Variants in NSMCE2 observed in about 807,000 individuals in gnomAD.
NSMCE2 encodes NSE2 SUMO ligase component of SMC5/6 complex.
In NSMCE2, 24 loss-of-function variants were observed where a neutral mutation model predicts 23.8. The ratio of observed to expected loss-of-function variants is 1.01; its 90% CI spans 0.73 to 1.42. The LOEUF (loss-of-function observed/expected upper bound fraction) is 1.42, where lower values mean the gene tolerates loss of function less well. NSMCE2 is among the 40% of genes most tolerant of loss of function. The pLI is 0.00. For missense variants in NSMCE2, 284 were observed against 296.5 expected, an observed-to-expected ratio of 0.96 and a Z score of 0.31; for synonymous variants, 92 against 94.1, an observed-to-expected ratio of 0.98 and a Z score of 0.13.
intron 5 of NSMCE2, among the ~76,000 whole-genome samples, chr8:125,277,761 G>T (rs1188550475): frequency 6.6e-6 from 1 of 152,248 alleles, no homozygotes; most frequent in African/African-American, 2.4e-5. Context: ...TGATCCACCT[G>T]CCTCGGCCTC....
At chr8:125,230,856 G>A (rs1326403393) in intron 5 of NSMCE2, among the ~76,000 whole-genome samples, 2 of 152,102 alleles carry the variant, frequency 1.3e-5, no homozygotes, top group African/African-American at 2.4e-5. Context: ...AGACAGCAGG[G>A]GGCAGCAGCA....
intron 4 of NSMCE2, among the ~76,000 whole-genome samples, chr8:125,171,270 G>T (rs1822192920): frequency 1.3e-5 from 2 of 152,194 alleles, no homozygotes; most frequent in Non-Finnish European, 1.5e-5. Flanking sequence ...CACAAGGGCA[G>T]GAACTGGTTC....
chr8:125,303,724 T>C (rs1828652166), intron 5 of NSMCE2, among the ~76,000 whole-genome samples: 1 of 152,174 alleles, frequency 6.6e-6, no homozygotes, highest in Non-Finnish European at 1.5e-5. Flanking sequence ...GAAATTTAAA[T>C]AGTACAGGTA....
chr8:125,297,369 C>T (rs996997935), intron 5 of NSMCE2, among the ~76,000 whole-genome samples: 1 of 152,210 alleles, frequency 6.6e-6, no homozygotes, highest in Admixed American at 6.5e-5. Context: ...TCTCTACCTA[C>T]TAAGAAGTCA....
intron 3 of NSMCE2, among the ~76,000 whole-genome samples, chr8:125,137,718 C>T (rs1289631832): frequency 6.6e-6 from 1 of 152,214 alleles, no homozygotes; most frequent in Non-Finnish European, 1.5e-5. Context: ...GGTAGTTAGG[C>T]GAATGGACTC....
intron 5 of NSMCE2, among the ~76,000 whole-genome samples, chr8:125,296,619 C>G (rs543785529): frequency 2.0e-5 from 3 of 152,232 alleles, no homozygotes; most frequent in South Asian, 2.1e-4. Flanking sequence ...TGGTCTCAAA[C>G]TCCTGACCTC....
At chr8:125,147,198 T>C (rs1210738032) in intron 3 of NSMCE2, among the ~76,000 whole-genome samples, 1 of 152,194 alleles carries the variant, frequency 6.6e-6, no homozygotes, top group African/African-American at 2.4e-5. Flanking sequence ...TCTTTTCCTA[T>C]AGAAAAGTCA....
rs185646329 is a variant in NSMCE2 at position 125,322,275 on chromosome 8, G to A, written c.419-34944G>A. On this transcript the variant is annotated intron_variant, in intron 5 of 7. Coordinates refer to ENST00000287437, the MANE Select transcript of NSMCE2 (RefSeq NM_173685.4). ...TCTAGCTACTCGGGAGGCTGAGGCA[G>A]GAGGATCACTTGAGCCCAGGAATTG... 1.2e-4 allele frequency among the ~76,000 whole-genome samples: 18 copies of A among 152,266 alleles called. No homozygotes were observed. The East Asian group carries it at 3.3e-3, about 28-fold the overall frequency.
chr8:125,126,061 T>C (rs1819502438), intron 3 of NSMCE2, among the ~76,000 whole-genome samples: 1 of 152,120 alleles, frequency 6.6e-6, no homozygotes, highest in Non-Finnish European at 1.5e-5. Context: ...TTTTGTTCAT[T>C]ATACAAACAT....
chr8:125,297,498 A>G (rs1488286742), intron 5 of NSMCE2, among the ~76,000 whole-genome samples: 1 of 152,152 alleles, frequency 6.6e-6, no homozygotes, highest in East Asian at 1.9e-4. Context: ...CTGCTTCTCC[A>G]CATTAGCTCT....
intron 5 of NSMCE2, among the ~76,000 whole-genome samples, chr8:125,239,921 A>C (rs1825703112): frequency 6.6e-6 from 1 of 152,140 alleles, no homozygotes; most frequent in East Asian, 1.9e-4. Context: ...CTGAGAAGTA[A>C]GTAAGTGTGT....
intron 5 of NSMCE2, among the ~76,000 whole-genome samples, chr8:125,344,624 T>A (rs1297091391): frequency 6.6e-6 from 1 of 151,490 alleles, no homozygotes; most frequent in Non-Finnish European, 1.5e-5. Flanking sequence ...GCACCTGTAA[T>A]CCCAGCTACT....
At chr8:125,215,487 T>A (rs1265103498) in intron 5 of NSMCE2, among the ~76,000 whole-genome samples, 2 of 152,208 alleles carry the variant, frequency 1.3e-5, no homozygotes, top group African/African-American at 4.8e-5. Context: ...TTGTGAATAA[T>A]GCTGCAATAA....
chr8:125,313,204 A>G (rs199866925), intron 5 of NSMCE2, among the ~76,000 whole-genome samples: 5 of 124,878 alleles, frequency 4.0e-5, no homozygotes, highest in African/African-American at 1.4e-4. Flanking sequence ...GAGAGAGAGA[A>G]AGAAAGAAAG....
At chr8:125,274,985 G>A (rs1827387067) in intron 5 of NSMCE2, among the ~76,000 whole-genome samples, 2 of 124,746 alleles carry the variant, frequency 1.6e-5, no homozygotes, top group Admixed American at 1.8e-4. Flanking sequence ...AATTTTTCAG[G>A]ACAATCTGAA....
At chr8:125,129,955 C>G (rs1819681850) in intron 3 of NSMCE2, among the ~76,000 whole-genome samples, 1 of 152,168 alleles carries the variant, frequency 6.6e-6, no homozygotes, top group Non-Finnish European at 1.5e-5. Context: ...CTGGTACATT[C>G]CTGTTGACTA....
At chr8:125,309,494 G>C (rs903738501) in intron 5 of NSMCE2, among the ~76,000 whole-genome samples, 1 of 152,150 alleles carries the variant, frequency 6.6e-6, no homozygotes, top group African/African-American at 2.4e-5. Context: ...AGGCCAATGG[G>C]GGAGGATCGC....
At chr8:125,269,975 G>A (rs1201806789) in intron 5 of NSMCE2, among the ~76,000 whole-genome samples, 1 of 152,140 alleles carries the variant, frequency 6.6e-6, no homozygotes, top group Non-Finnish European at 1.5e-5. Context: ...GGACAAGCAC[G>A]GCCCTTATGG....
chr8:125,318,423 G>A (rs1284487815), intron 5 of NSMCE2, among the ~76,000 whole-genome samples: 1 of 152,046 alleles, frequency 6.6e-6, no homozygotes, highest in South Asian at 2.1e-4. Flanking sequence ...GTAAAATAAT[G>A]TTTACCTATC....
Sources: gnomAD v4.1 joint callset for allele counts (sites outside exome capture counted in the v4.1 genomes callset) on GRCh38, gnomAD v4.1.1 for gene constraint, MANE v1.5 for transcripts, NCBI Gene and HGNC (gene_info 2026-07-23, HGNC 2026-07-21) for gene names.